Variants in TBC1D22A observed in about 807,000 individuals in gnomAD.
TBC1D22A encodes TBC1 domain family member 22A.
A neutral mutation model predicts 60.2 loss-of-function variants in TBC1D22A; 38 were observed. The ratio of observed to expected loss-of-function variants is 0.63; its 90% CI spans 0.49 to 0.83. The LOEUF is 0.83. Among genes scored for constraint, TBC1D22A ranks in the 40% least tolerant of loss-of-function variants. TBC1D22A has a pLI of 0.00. For synonymous variants in TBC1D22A, 302 were observed against 281.7 expected (o/e 1.07, Z -0.72); for missense variants, 628 against 701.0 (o/e 0.90, Z 1.18).
Position 47,040,658 on chromosome 22 carries a change from G to A in TBC1D22A, c.1329+3460G>A, listed in dbSNP as rs896056028. Reference sequence around the variant, plus strand: ...TGGGGAGGTGAGGATGCAGGGCGGCGGCTGACTTGATGGGGGGCCCTGTGG... The same window carrying A: ...TGGGGAGGTGAGGATGCAGGGCGGCAGCTGACTTGATGGGGGGCCCTGTGG... On this transcript the variant is annotated intron_variant, in intron 11 of 12. Transcript: ENST00000337137. 2.0e-5 allele frequency among the ~76,000 whole-genome samples: 3 copies of A among 152,134 alleles called. 1 individual carries two copies. The South Asian group carries it at 6.2e-4, about 32-fold the overall frequency.
At chr22:46,948,730 C>T (rs1458917700) in intron 8 of TBC1D22A, among the ~76,000 whole-genome samples, 4 of 152,220 alleles carry the variant, frequency 2.6e-5, no homozygotes, top group Admixed American at 6.5e-5. Context: ...GTTGCTGAAA[C>T]GGAGCCTGCT....
In TBC1D22A at chr22:46,941,765, G is replaced by A. The variant is rs1356621774; in HGVS notation, c.1015+29577G>A. The stretch of plus-strand genomic sequence containing the variant: ...ATATATATGCGGAATATATATATAC[G>A]GAATATGTATACGGAATATATATAG... On this transcript the variant is annotated intron_variant, in intron 8 of 12. Coordinates refer to ENST00000337137, the MANE Select transcript of TBC1D22A (RefSeq NM_014346.5). Among the ~76,000 whole-genome samples, 3 of 141,244 alleles carry A rather than the reference G, an allele frequency of 2.1e-5. No homozygotes were observed. In the East Asian group the frequency reaches 6.0e-4, roughly 28 times the overall value. 92.7% of individuals were successfully genotyped at this position (141,244 alleles called of 152,430 possible). A position where few individuals can be genotyped will look rare whatever the true frequency, so the allele number is the denominator to read the frequency against.
intron 12 of TBC1D22A, among the ~76,000 whole-genome samples, chr22:47,133,106 C>T (rs1005944606): frequency 2.6e-5 from 4 of 152,234 alleles, no homozygotes; most frequent in East Asian, 1.9e-4. Context: ...ACAGCCTATC[C>T]ACTTCATTCA....
chr22:47,043,026 G>A (rs939513032), intron 11 of TBC1D22A, among the ~76,000 whole-genome samples: 3 of 152,188 alleles, frequency 2.0e-5, no homozygotes, highest in African/African-American at 4.8e-5. Flanking sequence ...AGTTATCAGC[G>A]CCTGCTCCGG....
intron 4 of TBC1D22A, among the ~76,000 whole-genome samples, chr22:46,800,471 G>A (rs1380320080): frequency 6.6e-6 from 1 of 152,162 alleles, no homozygotes; most frequent in Non-Finnish European, 1.5e-5. Context: ...CCTGCCTCCA[G>A]GGTGGTGTGG....
intron 3 of TBC1D22A, among the ~76,000 whole-genome samples, chr22:46,794,838 T>G (rs801597): frequency 0.73 from 111,572 of 152,076 alleles, 41,128 homozygotes; most frequent in Middle Eastern, 0.82. Flanking sequence ...AGGGGCGAAG[T>G]CCAGCTGGAT....
intron 4 of TBC1D22A, among the ~76,000 whole-genome samples, chr22:46,873,896 A>G (rs2067410773): frequency 6.6e-6 from 1 of 151,764 alleles, no homozygotes; most frequent in Non-Finnish European, 1.5e-5. Flanking sequence ...TCCCGGGTTC[A>G]CACCATTCTT....
intron 12 of TBC1D22A, among the ~76,000 whole-genome samples, chr22:47,120,961 C>A (rs535894017): frequency 1.5e-4 from 23 of 152,198 alleles, no homozygotes; most frequent in Non-Finnish European, 3.2e-4. Flanking sequence ...CTACCAGAAA[C>A]ATCATAAACA....
intron 4 of TBC1D22A, among the ~76,000 whole-genome samples, chr22:46,850,593 G>A (rs918500316): frequency 8.5e-5 from 13 of 152,304 alleles, no homozygotes; most frequent in Admixed American, 7.2e-4. Flanking sequence ...GTACGGTGAC[G>A]CAGCTGGTGT....
At chr22:46,764,401 G>T (rs1243697542) in intron 1 of TBC1D22A, 1 of 152,194 alleles carries the variant, frequency 6.6e-6, no homozygotes, top group Non-Finnish European at 1.5e-5. Context: ...TAACTTTTAT[G>T]TGTTACTTTT....
chr22:46,885,313 G>T (rs1470047243), intron 5 of TBC1D22A, among the ~76,000 whole-genome samples: 1 of 152,194 alleles, frequency 6.6e-6, no homozygotes, highest in East Asian at 1.9e-4. Flanking sequence ...AGGAGCTGGG[G>T]CTTGGCTTGA....
chr22:46,996,765 G>A (rs1252901033), intron 9 of TBC1D22A, among the ~76,000 whole-genome samples: 1 of 152,188 alleles, frequency 6.6e-6, no homozygotes, highest in Non-Finnish European at 1.5e-5. Context: ...TTCCTGCTGT[G>A]GGATGAGGCA....
At chr22:46,858,898 A>G (rs1031839142) in intron 4 of TBC1D22A, among the ~76,000 whole-genome samples, 2 of 152,220 alleles carry the variant, frequency 1.3e-5, no homozygotes, top group Admixed American at 1.3e-4. Context: ...AAAACTAGCA[A>G]ATTCAAACAA....
rs572606763 is a variant in TBC1D22A at position 46,793,778 on chromosome 22, C to A, written c.397C>A (p.Pro133Thr). 1.2e-6 allele frequency: 2 copies of A among 1,602,036 alleles called. No homozygotes were observed. Among genetic ancestry groups the A allele is most frequent in the Admixed American group, 1.7e-5 (1 of 58,154 alleles). ...CAGGCCCGAGGCAGAGCCGCCCTCA[C>A]CCCCCAGCGGCGACCTCCGGCTGGT... ...KPRPEAEPPS[P>T]PSGDLRLVKS... The change falls in exon 3 of 13, where the codon CCC becomes ACC. Residue 133 changes from proline (P) to threonine (T), a missense_variant. Coordinates refer to ENST00000337137, the MANE Select transcript of TBC1D22A (RefSeq NM_014346.5).
intron 5 of TBC1D22A, among the ~76,000 whole-genome samples, chr22:46,887,986 T>C (rs1195911131): frequency 6.6e-6 from 1 of 152,202 alleles, no homozygotes; most frequent in South Asian, 2.1e-4. Flanking sequence ...TCTGGCTTCA[T>C]GCTCGAGGCC....
intron 7 of TBC1D22A, among the ~76,000 whole-genome samples, chr22:46,898,357 A>T (rs577820617): frequency 1.3e-5 from 2 of 152,294 alleles, no homozygotes; most frequent in East Asian, 1.9e-4. Context: ...TAGGAGGTTT[A>T]TTTGCCAAAG....
chr22:47,154,723 A>G (rs961525800), intron 12 of TBC1D22A, among the ~76,000 whole-genome samples: 8 of 152,188 alleles, frequency 5.3e-5, no homozygotes, highest in Non-Finnish European at 8.8e-5. Flanking sequence ...CTGCTCTGGG[A>G]CATGTGCCCA....
intron 4 of TBC1D22A, among the ~76,000 whole-genome samples, chr22:46,829,554 A>G (rs1298397872): frequency 6.6e-6 from 1 of 152,234 alleles, no homozygotes; most frequent in Non-Finnish European, 1.5e-5. Flanking sequence ...TGCCAAGTTA[A>G]TACTGCATCT....
intron 4 of TBC1D22A, among the ~76,000 whole-genome samples, chr22:46,806,282 GA>G: frequency 6.6e-6 from 1 of 151,580 alleles, no homozygotes; most frequent in South Asian, 2.1e-4. Context: ...CTCAGTAAAT[GA>G]ACTTTGAATT....
Sources: allele counts gnomAD v4.1 joint callset (sites outside exome capture counted in the v4.1 genomes callset), GRCh38; gene constraint gnomAD v4.1.1; transcripts MANE v1.5; gene names NCBI Gene and HGNC (gene_info 2026-07-23, HGNC 2026-07-21).